The following FAM135A variants were observed in gnomAD, a reference collection of about 807,000 sequenced individuals.
FAM135A encodes the protein protein FAM135A.
A neutral mutation model predicts 146.8 loss-of-function variants in FAM135A; 79 were observed. The observed-to-expected ratio is 0.54, with a 90% CI of 0.45 to 0.65. The LOEUF is 0.65. Ranked by LOEUF, FAM135A falls within the 30% of genes least tolerant of loss-of-function variation. FAM135A has a pLI of 0.00. For missense variants in FAM135A, 1,623 were observed against 1,758.2 expected (o/e 0.92, Z 1.38); for synonymous variants, 562 against 603.6 (o/e 0.93, Z 1.01).
intron 21 of FAM135A, among the ~76,000 whole-genome samples, chr6:70,559,012 G>C (rs1019283351): frequency 1.3e-5 from 2 of 152,176 alleles, no homozygotes; most frequent in African/African-American, 4.8e-5. Context: ...ATTTGCTGTA[G>C]GCCAAGTTTA....
Position 70,525,875 on chromosome 6 carries a change from TC to T in FAM135A, c.2793del (p.Ser932ValfsTer3). The T allele has an allele frequency of 6.2e-7, 1 of 1,612,700 alleles. No individual in the cohort carries two copies. Among genetic ancestry groups the T allele is most frequent in the South Asian group, 1.1e-5 (1 of 90,788 alleles). ...LQFVFSDEET[S>X]SDVKSSCSSK... ...ATTTGTTTTTTCAGATGAAGAGACT[TC>T]CAGTGATGTGAAAAGTAGTTGCAGC... On this transcript the variant is annotated frameshift_variant, in exon 15 of 22. Coordinates refer to ENST00000418814, the MANE Select transcript of FAM135A (RefSeq NM_001162529.3). LOFTEE classifies it high-confidence loss of function.
At chr6:70,442,496 TTCTC>T (rs996921582) in intron 4 of FAM135A, among the ~76,000 whole-genome samples, 1 of 152,128 alleles carries the variant, frequency 6.6e-6, no homozygotes, top group African/African-American at 2.4e-5. Context: ...TCCCTGTCCC[TTCTC>T]TCTCCTCATC....
intron 12 of FAM135A, among the ~76,000 whole-genome samples, chr6:70,508,865 T>C (rs1029031639): frequency 6.6e-6 from 1 of 152,192 alleles, no homozygotes; most frequent in Non-Finnish European, 1.5e-5. Context: ...TACTAAAGCA[T>C]CAAAAGGTTT....
chr6:70,495,184 C>G (rs543504685), intron 11 of FAM135A, among the ~76,000 whole-genome samples: 2 of 152,284 alleles, frequency 1.3e-5, no homozygotes, highest in South Asian at 4.1e-4. Flanking sequence ...GCTTCCATTC[C>G]AGCTTCTGGT....
chr6:70,449,646 A>G (rs1562441944), intron 4 of FAM135A, among the ~76,000 whole-genome samples: 1 of 152,056 alleles, frequency 6.6e-6, no homozygotes, highest in Non-Finnish European at 1.5e-5. Flanking sequence ...TTTACTATTC[A>G]TTATCTAGTC....
chr6:70,432,172 C>T (rs1156355176), intron 4 of FAM135A, among the ~76,000 whole-genome samples: 1 of 151,984 alleles, frequency 6.6e-6, no homozygotes, highest in Admixed American at 6.5e-5. Flanking sequence ...TTCTTTTAGC[C>T]ACTAACCTCA....
intron 16 of FAM135A, among the ~76,000 whole-genome samples, chr6:70,530,289 C>T: frequency 6.6e-6 from 1 of 152,188 alleles, no homozygotes; most frequent in Non-Finnish European, 1.5e-5. Flanking sequence ...AAGCACAAAA[C>T]TTTGATCTCA....
chr6:70,524,777 A>G lies in FAM135A; in HGVS notation c.1693A>G (p.Met565Val). 2 of 1,551,554 alleles carry G rather than the reference A, an allele frequency of 1.3e-6. No individual in the cohort carries two copies. Among genetic ancestry groups the G allele is most frequent in the African/African-American group, 1.4e-5 (1 of 73,120 alleles). The change falls in exon 15 of 22, where the codon ATG becomes GTG. Residue 565 changes from methionine to valine, a missense_variant. Physicochemically the swap from Met to Val is conservative, Grantham distance 21. This residue lies in a region of FAM135A where 1,061 missense variants were observed against 1,113.8 expected (regional missense o/e 0.95). Coordinates refer to ENST00000418814, the MANE Select transcript of FAM135A (RefSeq NM_001162529.3). ...CGYNFDPKTY[M>V]RQTSQKEASC... ...ATATAATTTTGACCCAAAGACCTAC[A>G]TGAGACAGACAAGTCAAAAGGAAGC...
chr6:70,531,673 T>C (rs563115198), intron 16 of FAM135A, among the ~76,000 whole-genome samples: 7 of 152,328 alleles, frequency 4.6e-5, no homozygotes, highest in African/African-American at 1.7e-4. Flanking sequence ...TTTACTGCTG[T>C]ATGCTTCATC....
intron 12 of FAM135A, among the ~76,000 whole-genome samples, chr6:70,508,862 G>T (rs1790382158): frequency 6.6e-6 from 1 of 152,134 alleles, no homozygotes; most frequent in Non-Finnish European, 1.5e-5. Context: ...GCATACTAAA[G>T]CATCAAAAGG....
rs1468706383 is a variant in FAM135A at position 70,415,363 on chromosome 6, G to A, written c.-147G>A. 6.6e-6 allele frequency: 1 copy of A among 152,050 alleles called. No homozygotes were observed. Among genetic ancestry groups the A allele is most frequent in the Non-Finnish European group, 1.5e-5 (1 of 67,984 alleles). 9.4% of individuals were successfully genotyped at this position (152,050 alleles called of 1,614,324 possible). On this transcript the variant is annotated 5_prime_UTR_variant, in exon 2 of 22. An upstream start codon of the reference 5' UTR is lost. Transcript: ENST00000418814. ...AGTCCACAAACAAATTCTTCCTTAT[G>A]TTGTCTGTGTCAGGTAGGAATTAAG...
intron 12 of FAM135A, chr6:70,503,634 T>C (rs1262774637): frequency 1.3e-5 from 2 of 152,190 alleles, no homozygotes. Context: ...AAGTAATCAC[T>C]ATACTGTCTT....
intron 12 of FAM135A, among the ~76,000 whole-genome samples, chr6:70,516,647 A>G (rs7773794): frequency 0.3 from 43,001 of 145,238 alleles, 8,317 homozygotes; most frequent in African/African-American, 0.56. Flanking sequence ...GCCATTCTCC[A>G]TCTCAGCCTC....
chr6:70,476,443 A>T (rs1782646576), intron 7 of FAM135A, among the ~76,000 whole-genome samples: 1 of 152,174 alleles, frequency 6.6e-6, no homozygotes, highest in Non-Finnish European at 1.5e-5. Flanking sequence ...TGTCCTCTTC[A>T]CTATATGGTA....
chr6:70,552,686 T>C (rs1378450952), intron 20 of FAM135A, among the ~76,000 whole-genome samples: 1 of 151,820 alleles, frequency 6.6e-6, no homozygotes, highest in Non-Finnish European at 1.5e-5. Context: ...GCCAGGCTGG[T>C]CTCAAATTCC....
chr6:70,543,474 G>A lies in FAM135A; in HGVS notation c.4228+5073G>A, dbSNP rs557710839. Reference sequence around the variant, plus strand: ...TGTCTACTATTAGAATCAGTGAAAGGAAAATTCTCTTATAGATTGGGTTTT... The same window carrying A: ...TGTCTACTATTAGAATCAGTGAAAGAAAAATTCTCTTATAGATTGGGTTTT... On this transcript the variant is annotated intron_variant, in intron 20 of 21. Coordinates refer to ENST00000418814, the MANE Select transcript of FAM135A (RefSeq NM_001162529.3). Among the ~76,000 whole-genome samples, 3 of 152,284 alleles carry A rather than the reference G, an allele frequency of 2.0e-5. No individual in the cohort carries two copies. In the East Asian group the frequency reaches 5.8e-4, roughly 29 times the overall value.
Position 70,424,325 on chromosome 6 carries a change from A to G in FAM135A, c.-133-2114A>G, listed in dbSNP as rs1251657489. ...GCTTATAATTTATTTGACAAATACT[A>G]TTCCGTCAGAAACATAATAGGATTC... On this transcript the variant is annotated intron_variant, in intron 2 of 21. Coordinates refer to ENST00000418814, the MANE Select transcript of FAM135A (RefSeq NM_001162529.3). Among the ~76,000 whole-genome samples the G allele has an allele frequency of 4.6e-5, 7 of 152,336 alleles. No individual in the cohort carries two copies. In the South Asian group the frequency reaches 6.2e-4, roughly 14 times the overall value.
chr6:70,430,845 G>T (rs1220342717), intron 4 of FAM135A, among the ~76,000 whole-genome samples: 3 of 152,124 alleles, frequency 2.0e-5, no homozygotes, highest in African/African-American at 7.2e-5. Flanking sequence ...TCTAGATTCT[G>T]CTTATAAAAT....
intron 17 of FAM135A, 133 bp from the exon 18 acceptor site, chr6:70,533,624 T>C: frequency 1.6e-6 from 1 of 608,544 alleles, no homozygotes; most frequent in Non-Finnish European, 2.8e-6. Flanking sequence ...AAAATTACAC[T>C]CACTAACTTC....
Sources: allele counts gnomAD v4.1 joint callset (sites outside exome capture counted in the v4.1 genomes callset), GRCh38; gene constraint gnomAD v4.1.1; regional missense constraint gnomAD v4.1.1; transcripts MANE v1.5; gene names NCBI Gene and HGNC (gene_info 2026-07-23, HGNC 2026-07-21).